PRELID2: variants seen among roughly 807,000 people sequenced by gnomAD.
PRELID2 encodes PRELI domain containing 2, also known as PRELI domain-containing protein 2.
PRELID2 carries 25 observed loss-of-function variants against 28.4 expected under a neutral mutation model. The ratio of observed to expected loss-of-function variants is 0.88; its 90% CI spans 0.64 to 1.23. The LOEUF (loss-of-function observed/expected upper bound fraction) is 1.23, where lower values mean the gene tolerates loss of function less well. Ranked by LOEUF, PRELID2 falls within the 50% of genes most tolerant of loss-of-function variation. The pLI is 0.00. For missense variants in PRELID2, 201 were observed against 214.4 expected, an observed-to-expected ratio of 0.94 and a Z score of 0.39; for synonymous variants, 76 against 71.6, an observed-to-expected ratio of 1.06 and a Z score of -0.31.
At chr5:145,231,347 A>G in the PRELID2 span, among the ~76,000 whole-genome samples, 1 of 152,076 alleles carries the variant, frequency 6.6e-6, no homozygotes, top group Non-Finnish European at 1.5e-5. Context: ...TGCTGCACCC[A>G]TCACCTGTGC....
At chr5:145,504,339 T>G (rs1193112700) in intron 1 of PRELID2, among the ~76,000 whole-genome samples, 1 of 152,210 alleles carries the variant, frequency 6.6e-6, no homozygotes, top group African/African-American at 2.4e-5. Flanking sequence ...GGACTTTTAT[T>G]AGAGTAACTG....
the PRELID2 span, among the ~76,000 whole-genome samples, chr5:145,370,139 T>TTTTGTTG: frequency 2.0e-5 from 3 of 152,152 alleles, no homozygotes; most frequent in Non-Finnish European, 4.4e-5. Flanking sequence ...ATCCCATTTG[T>TTTTGTTG]CAATTTTGGG....
chr5:145,559,187 G>A (rs1173262925), intron 1 of PRELID2, among the ~76,000 whole-genome samples: 18 of 152,042 alleles, frequency 1.2e-4, no homozygotes, highest in East Asian at 3.9e-4. Flanking sequence ...CCCGGGAGGC[G>A]GAGCTGGCAG....
At chr5:145,779,327 T>C (rs1406381583) in intron 5 of PRELID2, among the ~76,000 whole-genome samples, 4 of 152,172 alleles carry the variant, frequency 2.6e-5, no homozygotes, top group Admixed American at 2.6e-4. Flanking sequence ...CAGGGAATCT[T>C]TTCTAAGGCA....
chr5:145,543,577 C>T (rs890107584), intron 1 of PRELID2, among the ~76,000 whole-genome samples: 2 of 152,048 alleles, frequency 1.3e-5, no homozygotes, highest in African/African-American at 4.8e-5. Context: ...CTTGAGAGAA[C>T]TGAAATATTT....
rs574844088 is a variant in PRELID2, at chr5:145,744,412, CA to C, written n.70+20518del. On this transcript the variant is annotated intron_variant and non_coding_transcript_variant, in intron 1 of 2. Transcript: ENST00000510259. ...CACTCAACTGGGTGAGACCCTCCAA[CA>C]GGGGTTGTGAGACACCCTGTACAGA... Among the ~76,000 whole-genome samples, 193 of 152,336 alleles carry C rather than the reference CA, an allele frequency of 1.3e-3. 1 individual carries two copies. The highest frequency in any genetic ancestry group is 4.3e-3 in the African/African-American group (178 of 41,590).
chr5:145,790,763 A>G (rs1462976718), intron 5 of PRELID2, among the ~76,000 whole-genome samples: 4 of 143,740 alleles, frequency 2.8e-5, no homozygotes. Flanking sequence ...GCCACATTGT[A>G]TCCCGTAAAT....
intron 1 of PRELID2, among the ~76,000 whole-genome samples, chr5:145,580,587 T>C (rs1753099994): frequency 6.6e-6 from 1 of 151,984 alleles, no homozygotes; most frequent in Non-Finnish European, 1.5e-5. Context: ...AGAGAATGCA[T>C]TTGTAAGACT....
At chr5:145,600,247 T>C (rs1753369696) in intron 1 of PRELID2, among the ~76,000 whole-genome samples, 1 of 150,886 alleles carries the variant, frequency 6.6e-6, no homozygotes, top group Non-Finnish European at 1.5e-5. Flanking sequence ...TCTTTGAGTA[T>C]GGCACAATAG....
chr5:145,729,101 A>G, intron 1 of PRELID2: 2 of 592,550 alleles, frequency 3.4e-6, no homozygotes, highest in Non-Finnish European at 6.0e-6. Context: ...ACTTGGTCCC[A>G]TTGTTACCCT....
At chr5:145,423,488 A>G in the PRELID2 span, among the ~76,000 whole-genome samples, 13 of 151,488 alleles carry the variant, frequency 8.6e-5, no homozygotes, top group East Asian at 2.5e-3. Context: ...CATTCATTTC[A>G]TCTTCCATCA....
rs940285395 is a variant in PRELID2, at chr5:145,758,713, T to A, written c.*1823A>T. ...GCTATTACTCCAAAAGCCTACCAAA[T>A]GCCATCTACAAATTGGAAAAAAAAG... On this transcript the variant is annotated 3_prime_UTR_variant, in exon 7 of 7. Transcript: ENST00000683046. Among the ~76,000 whole-genome samples, 2 of 152,174 alleles carry A rather than the reference T, an allele frequency of 1.3e-5. No homozygotes were observed. The highest frequency in any genetic ancestry group is 3.9e-4 in the East Asian group (2 of 5,188).
chr5:145,662,835 T>C (rs1032918849), intron 1 of PRELID2, among the ~76,000 whole-genome samples: 3 of 152,100 alleles, frequency 2.0e-5, no homozygotes, highest in Non-Finnish European at 4.4e-5. Context: ...TCAGCCTCCA[T>C]AACTTAAGAA....
intron 1 of PRELID2, among the ~76,000 whole-genome samples, chr5:145,832,584 GA>G (rs1200172079): frequency 6.6e-6 from 1 of 152,142 alleles, no homozygotes; most frequent in African/African-American, 2.4e-5. Context: ...GTGAGTTTCG[GA>G]TCCATGTGTT....
intron 1 of PRELID2, among the ~76,000 whole-genome samples, chr5:145,586,342 T>C (rs533297669): frequency 6.6e-6 from 1 of 152,116 alleles, no homozygotes; most frequent in Admixed American, 6.6e-5. Context: ...AACAACTCAA[T>C]ATTCATTAAT....
chr5:145,263,372 G>A, the PRELID2 span, among the ~76,000 whole-genome samples: 1 of 152,034 alleles, frequency 6.6e-6, no homozygotes, highest in East Asian at 1.9e-4. Flanking sequence ...CCCAATAACT[G>A]CAGAATGTAT....
Position 145,811,449 on chromosome 5 carries a change from G to A in PRELID2, c.368+6445C>T, listed in dbSNP as rs184406750. ...ACTACGGGCATGTGGCACCATGCTC[G>A]GCTAATTATTTTATTATTTGTAGAG... On this transcript the variant is annotated intron_variant, in intron 4 of 6. Transcript: ENST00000683046. Among the ~76,000 whole-genome samples the A allele has an allele frequency of 4.8e-3, 734 of 152,168 alleles. 2 individuals are homozygous for A. The highest frequency in any genetic ancestry group is 0.017 in the African/African-American group (695 of 41,498).
At chr5:145,406,693 T>C in the PRELID2 span, among the ~76,000 whole-genome samples, 1 of 152,172 alleles carries the variant, frequency 6.6e-6, no homozygotes, top group Non-Finnish European at 1.5e-5. Context: ...AATTCACAGA[T>C]CCTTTGAAAG....
intron 4 of PRELID2, among the ~76,000 whole-genome samples, chr5:145,811,132 A>AC (rs1351794499): frequency 1.6e-5 from 2 of 125,466 alleles, no homozygotes; most frequent in Admixed American, 8.8e-5. Flanking sequence ...GTGCCAGGGA[A>AC]CCCCCCTTTA....
Sources: gnomAD v4.1 joint callset for allele counts (sites outside exome capture counted in the v4.1 genomes callset) on GRCh38, gnomAD v4.1.1 for gene constraint, MANE v1.5 for transcripts, NCBI Gene and HGNC (gene_info 2026-07-23, HGNC 2026-07-21) for gene names.